The following FAM135B variants were observed in gnomAD, a reference collection of about 807,000 sequenced individuals.
FAM135B encodes the protein family with sequence similarity 135 member B, also known as protein FAM135B.
A neutral mutation model predicts 127.7 loss-of-function variants in FAM135B; 43 were observed. The ratio of observed to expected loss-of-function variants is 0.34; its 90% CI spans 0.26 to 0.43. The LOEUF is 0.43. FAM135B is among the 20% of genes least tolerant of loss of function. The probability of loss-of-function intolerance (pLI) is 1.00; values close to 1 mark genes in which losing one functional copy is unlikely to be tolerated. For synonymous variants in FAM135B, 670 were observed against 665.1 expected (o/e 1.01, Z -0.11); for missense variants, 1,558 against 1,725.6 (o/e 0.90, Z 1.72).
At chr8:138,236,062 C>A (rs1321635795) in intron 7 of FAM135B, among the ~76,000 whole-genome samples, 1 of 152,106 alleles carries the variant, frequency 6.6e-6, no homozygotes. Flanking sequence ...TTGGGAAAGT[C>A]AAATGCCGGA....
rs16909055 is a variant in FAM135B at position 138,383,655 on chromosome 8, G to A, written c.-19-15653C>T. Among the ~76,000 whole-genome samples the A allele has an allele frequency of 1.2e-3, 188 of 152,260 alleles. 2 individuals are homozygous for A. The East Asian group carries it at 0.034, about 27-fold the overall frequency. On this transcript the variant is annotated intron_variant, in intron 1 of 19. Transcript: ENST00000395297. ...ACATGAGAAGTCATCAAAGAACATCGTTTTTTGTGTGTGAGCGGCAACTGA... is the reference window on the plus strand; with the variant it reads ...ACATGAGAAGTCATCAAAGAACATCATTTTTTGTGTGTGAGCGGCAACTGA...
chr8:138,243,549 CA>C lies in FAM135B; in HGVS notation c.543-482del, dbSNP rs1563812447. Among the ~76,000 whole-genome samples the C allele has an allele frequency of 6.6e-6, 1 of 152,166 alleles. No individual in the cohort carries two copies. Among genetic ancestry groups the C allele is most frequent in the Non-Finnish European group, 1.5e-5 (1 of 68,030 alleles). The stretch of plus-strand genomic sequence containing the variant: ...TCCGCATGAGAGTCTAATACGATGT[CA>C]AAGACTGTCATAAGCCAGAAAGCAC... On this transcript the variant is annotated intron_variant, in intron 6 of 19. Transcript: ENST00000395297. This position sits in a 1 kb window ranked among gnomAD's most constrained non-coding sequence, Gnocchi z 7.5.
chr8:138,342,583 G>A (rs1563918170), intron 2 of FAM135B, among the ~76,000 whole-genome samples: 1 of 152,194 alleles, frequency 6.6e-6, no homozygotes, highest in South Asian at 2.1e-4. Flanking sequence ...GGATACCTGA[G>A]TTGACCATTG....
At chr8:138,390,401 T>C (rs559005509) in intron 1 of FAM135B, among the ~76,000 whole-genome samples, 51 of 152,210 alleles carry the variant, frequency 3.4e-4, no homozygotes, top group Non-Finnish European at 6.2e-4. Context: ...TTGTCTGCCG[T>C]CATGTAAGAT....
chr8:138,489,947 C>G (rs1815135466), intron 1 of FAM135B, among the ~76,000 whole-genome samples: 1 of 152,312 alleles, frequency 6.6e-6, no homozygotes, highest in Admixed American at 6.5e-5. Flanking sequence ...GCTCTCAGGT[C>G]TTATCTCTAT....
intron 1 of FAM135B, among the ~76,000 whole-genome samples, chr8:138,387,326 G>T (rs1399073162): frequency 6.6e-6 from 1 of 152,130 alleles, no homozygotes; most frequent in Non-Finnish European, 1.5e-5. Context: ...GCAGCCACCT[G>T]CAGCTACCTA....
At chr8:138,392,277 G>C (rs1314390958) in intron 1 of FAM135B, among the ~76,000 whole-genome samples, 2 of 152,116 alleles carry the variant, frequency 1.3e-5, no homozygotes, top group African/African-American at 4.8e-5. Context: ...TGTATCTCTA[G>C]GCTTGCTTCA....
chr8:138,484,641 C>T (rs961112397), intron 1 of FAM135B, among the ~76,000 whole-genome samples: 1 of 152,134 alleles, frequency 6.6e-6, no homozygotes, highest in African/African-American at 2.4e-5. Flanking sequence ...CTCTCACGCA[C>T]ACCACTTCCT....
At chr8:138,360,053 T>C (rs1179055841) in intron 2 of FAM135B, among the ~76,000 whole-genome samples, 2 of 152,132 alleles carry the variant, frequency 1.3e-5, no homozygotes, top group African/African-American at 4.8e-5. Context: ...CTAAAGCCAC[T>C]GGGGAGAAAA....
At chr8:138,323,294 C>T (rs1827576318) in intron 2 of FAM135B, among the ~76,000 whole-genome samples, 1 of 152,166 alleles carries the variant, frequency 6.6e-6, no homozygotes, top group Non-Finnish European at 1.5e-5. Flanking sequence ...CAAAGCAAAG[C>T]CAGGTTTTCT....
chr8:138,399,953 G>A (rs1053712842), intron 1 of FAM135B, among the ~76,000 whole-genome samples: 8 of 152,156 alleles, frequency 5.3e-5, no homozygotes, highest in African/African-American at 1.9e-4. Flanking sequence ...CATACCCTTG[G>A]CAAGGCTATA....
chr8:138,275,453 G>T (rs1823747438), intron 3 of FAM135B, among the ~76,000 whole-genome samples: 1 of 152,170 alleles, frequency 6.6e-6, no homozygotes, highest in South Asian at 2.1e-4. Flanking sequence ...AGGAGGCCAA[G>T]GTGGGAGGAT....
chr8:138,290,698 G>A (rs1399546316), intron 3 of FAM135B, among the ~76,000 whole-genome samples: 1 of 152,152 alleles, frequency 6.6e-6, no homozygotes, highest in Non-Finnish European at 1.5e-5. Flanking sequence ...GATATTTTGA[G>A]CAGAGAGAGA....
chr8:138,411,694 C>T (rs567153047), intron 1 of FAM135B, among the ~76,000 whole-genome samples: 2 of 152,212 alleles, frequency 1.3e-5, no homozygotes, highest in African/African-American at 4.8e-5. Flanking sequence ...TCAGAGTGAA[C>T]AGGCAACCTA....
At chr8:138,394,823 A>C (rs1362622018) in intron 1 of FAM135B, among the ~76,000 whole-genome samples, 1 of 152,152 alleles carries the variant, frequency 6.6e-6, no homozygotes, top group Non-Finnish European at 1.5e-5. Context: ...GGTCTAGGCA[A>C]CTGAGCTGTC....
rs1455063649 is a variant in FAM135B, at chr8:138,442,970, T to C, written c.-20+53701A>G. Among the ~76,000 whole-genome samples the C allele has an allele frequency of 2.0e-5, 3 of 152,276 alleles. No homozygotes were observed. The East Asian group carries it at 5.8e-4, about 29-fold the overall frequency. ...ACCTCCTCGTCCCTGTGTGCGAGGA[T>C]GGCTTGTCTTTAATAAGTCAGGGGA... is the stretch of plus-strand genomic sequence containing the variant. On this transcript the variant is annotated intron_variant, in intron 1 of 19. Transcript: ENST00000395297.
At chr8:138,452,301 A>G (rs1174514420) in intron 1 of FAM135B, among the ~76,000 whole-genome samples, 1 of 151,840 alleles carries the variant, frequency 6.6e-6, no homozygotes, top group Non-Finnish European at 1.5e-5. Context: ...TTATAGTTTT[A>G]GTAGAGATGG....
chr8:138,470,685 T>C (rs1837628393), intron 1 of FAM135B, among the ~76,000 whole-genome samples: 1 of 152,158 alleles, frequency 6.6e-6, no homozygotes, highest in Non-Finnish European at 1.5e-5. Flanking sequence ...TCTACACAAC[T>C]GGGTACTAGA....
At chr8:138,301,342 G>T (rs1343883336) in intron 3 of FAM135B, among the ~76,000 whole-genome samples, 1 of 152,080 alleles carries the variant, frequency 6.6e-6, no homozygotes, top group African/African-American at 2.4e-5. Flanking sequence ...TGCCTCTTTT[G>T]GTTACTTTGT....
Sources: gnomAD v4.1 joint callset for allele counts (sites outside exome capture counted in the v4.1 genomes callset) on GRCh38, gnomAD v4.1.1 for gene constraint, Gnocchi (gnomAD v3.1) non-coding constraint, MANE v1.5 for transcripts, NCBI Gene and HGNC (gene_info 2026-07-23, HGNC 2026-07-21) for gene names.